Variants in UNC13C observed in about 807,000 individuals in gnomAD.
UNC13C encodes the protein unc-13 homolog C, also known as protein unc-13 homolog C.
UNC13C carries 174 observed loss-of-function variants against 245.4 expected under a neutral mutation model. That is an observed-to-expected ratio of 0.71 (90% confidence interval 0.63 to 0.80). UNC13C has a LOEUF of 0.80. UNC13C is among the 30% of genes least tolerant of loss of function. UNC13C has a pLI of 0.00. For synonymous variants in UNC13C, 992 were observed against 895.1 expected (o/e 1.11, Z -1.93); for missense variants, 2,829 against 2,602.9 (o/e 1.09, Z -1.89).
intron 19 of UNC13C, among the ~76,000 whole-genome samples, chr15:54,464,559 A>T (rs1386060772): frequency 2.6e-5 from 4 of 152,128 alleles, no homozygotes; most frequent in Non-Finnish European, 4.4e-5. Context: ...ATATGAGTTA[A>T]ATGTATTTTT....
chr15:54,420,713 T>A (rs890796708), intron 19 of UNC13C, among the ~76,000 whole-genome samples: 6 of 152,118 alleles, frequency 3.9e-5, no homozygotes, highest in African/African-American at 9.6e-5. Context: ...GCTTCATTTC[T>A]CTCAGCCCTT....
chr15:53,856,157 G>A, the UNC13C span, among the ~76,000 whole-genome samples: 58 of 151,988 alleles, frequency 3.8e-4, no homozygotes, highest in African/African-American at 1.3e-3. Flanking sequence ...ATTTTTGAAC[G>A]TGTTTATTTT....
At chr15:54,280,072 C>T (rs2036935866) in intron 10 of UNC13C, among the ~76,000 whole-genome samples, 1 of 152,048 alleles carries the variant, frequency 6.6e-6, no homozygotes, top group South Asian at 2.1e-4. Flanking sequence ...AATATGCACA[C>T]CTTTAAATCT....
At chr15:54,186,208 A>C (rs980299676) in intron 4 of UNC13C, among the ~76,000 whole-genome samples, 6 of 152,216 alleles carry the variant, frequency 3.9e-5, no homozygotes, top group South Asian at 2.1e-4. Context: ...CAATCATGTC[A>C]TCTGCAAACA....
At chr15:54,096,908 A>C (rs1307298263) in intron 2 of UNC13C, among the ~76,000 whole-genome samples, 1 of 152,226 alleles carries the variant, frequency 6.6e-6, no homozygotes, top group Non-Finnish European at 1.5e-5. Context: ...TAGCTATTTT[A>C]GGTGAGAGAG....
intron 14 of UNC13C, among the ~76,000 whole-genome samples, chr15:54,331,236 G>T (rs2140993824): frequency 6.6e-6 from 1 of 152,124 alleles, no homozygotes; most frequent in Non-Finnish European, 1.5e-5. Flanking sequence ...TTTTTGATGA[G>T]AAAACTGGAA....
At chr15:53,874,877 T>G in the UNC13C span, among the ~76,000 whole-genome samples, 2 of 152,094 alleles carry the variant, frequency 1.3e-5, no homozygotes, top group Non-Finnish European at 2.9e-5. Flanking sequence ...GGGCGGATCA[T>G]GAGGTCAGGA....
intron 24 of UNC13C, among the ~76,000 whole-genome samples, chr15:54,521,676 C>T (rs1596509766): frequency 6.6e-6 from 1 of 152,270 alleles, no homozygotes; most frequent in African/African-American, 2.4e-5. Flanking sequence ...AGGGAAACAC[C>T]TGACATGGTC....
At chr15:54,229,139 A>G (rs1342063590) in intron 4 of UNC13C, among the ~76,000 whole-genome samples, 5 of 152,142 alleles carry the variant, frequency 3.3e-5, no homozygotes, top group Admixed American at 6.5e-5. Flanking sequence ...TTGAGTTCCA[A>G]TGTTCCAACG....
chr15:54,119,453 A>T (rs1453517236), intron 2 of UNC13C, among the ~76,000 whole-genome samples: 1 of 152,078 alleles, frequency 6.6e-6, no homozygotes, highest in Non-Finnish European at 1.5e-5. Context: ...AACTTAAAAA[A>T]CGTTGTGTGT....
chr15:54,325,174 A>G (rs983403157), intron 14 of UNC13C, among the ~76,000 whole-genome samples: 1 of 152,026 alleles, frequency 6.6e-6, no homozygotes, highest in African/African-American at 2.4e-5. Flanking sequence ...AGGTTCAATA[A>G]TTGAGCAGTG....
At chr15:54,266,906 G>A (rs74013573) in intron 10 of UNC13C, among the ~76,000 whole-genome samples, 3,827 of 152,098 alleles carry the variant, frequency 0.025, 158 homozygotes, top group African/African-American at 0.088. Context: ...GAACAATATG[G>A]CATGTAATGC....
At chr15:53,846,325 GTAA>G in the UNC13C span, among the ~76,000 whole-genome samples, 2 of 152,180 alleles carry the variant, frequency 1.3e-5, no homozygotes, top group Non-Finnish European at 2.9e-5. Context: ...TATGCGATTG[GTAA>G]TAATCTTCAT....
At chr15:53,935,209 C>A in the UNC13C span, among the ~76,000 whole-genome samples, 1 of 151,894 alleles carries the variant, frequency 6.6e-6, no homozygotes, top group Non-Finnish European at 1.5e-5. Flanking sequence ...AGGGGCCACC[C>A]ATTATGAGTG....
chr15:53,915,361 T>A, the UNC13C span, among the ~76,000 whole-genome samples: 6 of 152,008 alleles, frequency 3.9e-5, no homozygotes, highest in African/African-American at 1.5e-4. Flanking sequence ...AAATAACAAA[T>A]AAAAGGGCAA....
chr15:54,242,238 G>A (rs1299700604), intron 7 of UNC13C, among the ~76,000 whole-genome samples: 2 of 152,006 alleles, frequency 1.3e-5, no homozygotes, highest in Non-Finnish European at 2.9e-5. Context: ...TATCTTGAAG[G>A]ACTGGCAAAA....
chr15:54,566,225 G>T (rs1433659144), intron 29 of UNC13C, among the ~76,000 whole-genome samples: 1 of 151,950 alleles, frequency 6.6e-6, no homozygotes, highest in Non-Finnish European at 1.5e-5. Context: ...ATATTTATGT[G>T]TATCCCCCTC....
rs200758626 is a variant in UNC13C at position 54,569,780 on chromosome 15, G to GT, written c.6106+1841dup. 3.8e-3 allele frequency among the ~76,000 whole-genome samples: 577 copies of GT among 151,110 alleles called. 8 individuals are homozygous for GT. Among genetic ancestry groups the GT allele is most frequent in the Non-Finnish European group, 2.8e-3 (189 of 67,726 alleles). Reference sequence around the variant, plus strand: ...TTTATTTCCTGTTCCCTCATTTTCTGTTTTTTTTCTGAGTATTCAATTTTT... The same window carrying GT: ...TTTATTTCCTGTTCCCTCATTTTCTGTTTTTTTTTCTGAGTATTCAATTTTT... On this transcript the variant is annotated intron_variant, in intron 30 of 32. Transcript: ENST00000260323.
intron 10 of UNC13C, among the ~76,000 whole-genome samples, chr15:54,268,659 A>G (rs1268007547): frequency 1.3e-5 from 2 of 152,080 alleles, no homozygotes; most frequent in Non-Finnish European, 2.9e-5. Context: ...ATAGTGCTCA[A>G]TTTCAGGCTA....
Sources: gnomAD v4.1 joint callset for allele counts (sites outside exome capture counted in the v4.1 genomes callset) on GRCh38, gnomAD v4.1.1 for gene constraint, MANE v1.5 for transcripts, NCBI Gene and HGNC (gene_info 2026-07-23, HGNC 2026-07-21) for gene names.